The following GRIK4 variants were observed in gnomAD, a reference collection of about 807,000 sequenced individuals.
The protein encoded by GRIK4 is glutamate receptor ionotropic, kainate 4.
A neutral mutation model predicts 104.9 loss-of-function variants in GRIK4; 40 were observed. That is an observed-to-expected ratio of 0.38 (90% CI 0.30 to 0.50). The LOEUF is 0.50. Among genes scored for constraint, GRIK4 ranks in the 20% least tolerant of loss-of-function variants. The probability of loss-of-function intolerance (pLI) is 0.93; values close to 1 mark genes in which losing one functional copy is unlikely to be tolerated. For missense variants in GRIK4, 1,047 were observed against 1,308.1 expected (o/e 0.80, Z 3.08); for synonymous variants, 485 against 524.9 (o/e 0.92, Z 1.04).
chr11:120,634,675 G>A (rs1949375225), intron 1 of GRIK4, among the ~76,000 whole-genome samples: 1 of 152,192 alleles, frequency 6.6e-6, no homozygotes, highest in Non-Finnish European at 1.5e-5. Context: ...CCAGTGATCT[G>A]GAGACAGCAG....
intron 7 of GRIK4, among the ~76,000 whole-genome samples, chr11:120,833,889 A>G (rs1462152888): frequency 6.6e-6 from 1 of 152,086 alleles, no homozygotes; most frequent in Non-Finnish European, 1.5e-5. Context: ...CATTTTCCCC[A>G]TGTCATTAAA....
intron 13 of GRIK4, among the ~76,000 whole-genome samples, chr11:120,931,012 G>T (rs945507053): frequency 6.6e-6 from 1 of 152,206 alleles, no homozygotes; most frequent in African/African-American, 2.4e-5. Context: ...TCCAGGTAAT[G>T]TGTTTTGTGC....
rs1016172815 is a variant in GRIK4, at chr11:120,986,568, G to A, written c.*308G>A. On this transcript the variant is annotated 3_prime_UTR_variant, in exon 21 of 21. Coordinates refer to ENST00000527524, the MANE Select transcript of GRIK4 (RefSeq NM_014619.5). ...GCCAAAATAACAAGAGTATAGGGTG[G>A]GGGGTCCCTACCCAGACCAGTCCAA... The A allele has an allele frequency of 2.9e-6, 1 of 346,788 alleles. No homozygotes were observed. Among genetic ancestry groups the A allele is most frequent in the African/African-American group, 2.2e-5 (1 of 45,590 alleles). 21.5% of individuals were successfully genotyped at this position (346,788 alleles called of 1,614,324 possible).
intron 3 of GRIK4, among the ~76,000 whole-genome samples, chr11:120,783,430 C>CGCCTTCCCTGTTCCCTTCCCTCTT (rs1952202000): frequency 6.6e-6 from 1 of 152,104 alleles, no homozygotes; most frequent in Admixed American, 6.6e-5. Flanking sequence ...CCTTCCTTCT[C>CGCCTTCCCTGTTCCCTTCCCTCTT]GCCTTCCCTG....
At chr11:120,723,902 A>T (rs1424584826) in intron 3 of GRIK4, among the ~76,000 whole-genome samples, 2 of 152,012 alleles carry the variant, frequency 1.3e-5, no homozygotes, top group African/African-American at 4.8e-5. Flanking sequence ...GCATGTAACC[A>T]TCACCATAAT....
At chr11:120,531,375 C>T (rs1433771453) in intron 1 of GRIK4, among the ~76,000 whole-genome samples, 1 of 152,198 alleles carries the variant, frequency 6.6e-6, no homozygotes, top group Non-Finnish European at 1.5e-5. Context: ...GCCACAGGCA[C>T]CTGCTCCATA....
chr11:120,942,448 C>T (rs964032459), intron 14 of GRIK4, among the ~76,000 whole-genome samples: 1 of 152,174 alleles, frequency 6.6e-6, no homozygotes, highest in Non-Finnish European at 1.5e-5. Context: ...GTGGTAGCCA[C>T]TCAACTAGGC....
chr11:120,605,973 G>A (rs1464448533), intron 1 of GRIK4, among the ~76,000 whole-genome samples: 1 of 152,158 alleles, frequency 6.6e-6, no homozygotes, highest in African/African-American at 2.4e-5. Context: ...TTTCTAATAG[G>A]CTTCTTGTTC....
chr11:120,972,252 T>TG (rs201060008), intron 19 of GRIK4, among the ~76,000 whole-genome samples: 1 of 152,156 alleles, frequency 6.6e-6, no homozygotes, highest in African/African-American at 2.4e-5. Context: ...TCAAAGGTTC[T>TG]GGGGTGAGAT....
intron 6 of GRIK4, among the ~76,000 whole-genome samples, chr11:120,820,772 G>T (rs1953102736): frequency 6.6e-6 from 1 of 152,150 alleles, no homozygotes; most frequent in African/African-American, 2.4e-5. Flanking sequence ...GAACTGCTCT[G>T]CCTTCTCAAG....
At chr11:120,646,767 G>A (rs570642420) in intron 1 of GRIK4, among the ~76,000 whole-genome samples, 7 of 152,312 alleles carry the variant, frequency 4.6e-5, no homozygotes, top group Admixed American at 2.6e-4. Context: ...TTGGTAGGGC[G>A]CGTTGGAAGA....
intron 6 of GRIK4, among the ~76,000 whole-genome samples, chr11:120,829,497 C>T (rs1401947504): frequency 6.6e-6 from 1 of 152,172 alleles, no homozygotes; most frequent in African/African-American, 2.4e-5. Flanking sequence ...GTATGTGACC[C>T]GTCTTCTCTG....
At chr11:120,979,169 A>G (rs1338796113) in intron 19 of GRIK4, among the ~76,000 whole-genome samples, 3 of 152,244 alleles carry the variant, frequency 2.0e-5, no homozygotes, top group Admixed American at 1.3e-4. Context: ...GAATGCAAAA[A>G]GGAAACTGCA....
intron 1 of GRIK4, among the ~76,000 whole-genome samples, chr11:120,571,484 T>A (rs1451368150): frequency 1.3e-5 from 2 of 152,194 alleles, no homozygotes; most frequent in Non-Finnish European, 2.9e-5. Context: ...TTAGGAAAGC[T>A]GATTGGTGGC....
chr11:120,917,449 G>A (rs890034007), intron 13 of GRIK4, among the ~76,000 whole-genome samples: 5 of 152,094 alleles, frequency 3.3e-5, no homozygotes, highest in African/African-American at 9.7e-5. Flanking sequence ...AGACCGGGCG[G>A]TAAAAGGCAA....
intron 13 of GRIK4, among the ~76,000 whole-genome samples, chr11:120,914,065 G>A (rs1164280448): frequency 6.6e-6 from 1 of 152,152 alleles, no homozygotes; most frequent in Non-Finnish European, 1.5e-5. Flanking sequence ...TCCCCATTAA[G>A]GCTTAGTTTC....
chr11:120,772,456 G>A (rs1034711073), intron 3 of GRIK4, among the ~76,000 whole-genome samples: 1 of 152,074 alleles, frequency 6.6e-6, no homozygotes, highest in African/African-American at 2.4e-5. Context: ...TAAGTATTGG[G>A]GATGACAAGA....
intron 3 of GRIK4, among the ~76,000 whole-genome samples, chr11:120,739,970 A>G (rs1951298259): frequency 6.6e-6 from 1 of 152,192 alleles, no homozygotes; most frequent in Admixed American, 6.5e-5. Context: ...CTGACCTCAC[A>G]TGCCCCAACC....
intron 6 of GRIK4, among the ~76,000 whole-genome samples, chr11:120,822,816 C>T (rs1162343559): frequency 3.3e-5 from 5 of 152,182 alleles, no homozygotes; most frequent in East Asian, 3.8e-4. Context: ...TACACATTAG[C>T]GTGGACACAC....
Sources: allele counts gnomAD v4.1 joint callset (sites outside exome capture counted in the v4.1 genomes callset), GRCh38; gene constraint gnomAD v4.1.1; transcripts MANE v1.5; gene names NCBI Gene and HGNC (gene_info 2026-07-23, HGNC 2026-07-21).